Variants in KANSL1 observed in about 807,000 individuals in gnomAD.
KANSL1 encodes KAT8 regulatory NSL complex subunit 1.
A neutral mutation model predicts 103.6 loss-of-function variants in KANSL1; 22 were observed. That is an observed-to-expected ratio of 0.21 (90% CI 0.15 to 0.30). KANSL1 has a LOEUF of 0.30. KANSL1 is among the 10% of genes least tolerant of loss of function. The pLI is 1.00. For missense variants in KANSL1, 1,337 were observed against 1,399.8 expected (o/e 0.96, Z 0.72); for synonymous variants, 600 against 527.6 (o/e 1.14, Z -1.88).
chr17:46,062,098 A>C (rs1315415300), intron 6 of KANSL1, among the ~76,000 whole-genome samples: 81 of 58,606 alleles, frequency 1.4e-3, no homozygotes, highest in African/African-American at 4.7e-3. Flanking sequence ...ACTCAAAAAA[A>C]AAAAAAAAAA....
chr17:46,034,134 G>T (rs751853822), intron 11 of KANSL1, 27 bp downstream of exon 11: 1 of 1,611,894 alleles, frequency 6.2e-7, no homozygotes. Context: ...AGAATGGGGA[G>T]AGGAGCCAAC....
rs1189248208 is a variant in KANSL1, at chr17:46,171,242, A to T, written c.902T>A (p.Leu301Ter). 3 of 1,614,110 alleles carry T rather than the reference A, an allele frequency of 1.9e-6. No homozygotes were observed. Among genetic ancestry groups the T allele is most frequent in the Non-Finnish European group, 2.5e-6 (3 of 1,180,046 alleles). ...QADIESRARR[L>*]QKRLQVVQAK... ...TTGCACAACCTGTAAGCGCTTTTGT[A>T]ATCTGCGGGCACGGCTCTCAATGTC... The change falls in exon 2 of 15, where the codon TTA (leucine) becomes TAA (stop). Residue 301 changes from leucine to a stop codon, truncating the protein, a stop_gained. Transcript: ENST00000432791. LOFTEE classifies it high-confidence loss of function.
chr17:46,165,851 A>G (rs1039266471), intron 2 of KANSL1, among the ~76,000 whole-genome samples: 4 of 152,184 alleles, frequency 2.6e-5, no homozygotes, highest in African/African-American at 9.7e-5. Context: ...TCTAAAAAGC[A>G]AAACCTATAA....
upstream of KANSL1, among the ~76,000 whole-genome samples, chr17:46,196,991 T>C (rs373859385): frequency 3.3e-5 from 5 of 152,224 alleles, no homozygotes; most frequent in East Asian, 9.7e-4. Context: ...GGCATACACC[T>C]GTAGTCCAAG....
intron 1 of KANSL1, among the ~76,000 whole-genome samples, chr17:46,206,691 C>T (rs2696457): frequency 0.14 from 21,966 of 152,062 alleles, 2,153 homozygotes; most frequent in Middle Eastern, 0.22. Flanking sequence ...AATTTAAACA[C>T]GGATTATAGA....
At position 46,172,174 on chromosome 17, in the gene KANSL1, T is replaced by G; in HGVS notation, c.-31A>C. The G allele has an allele frequency of 1.3e-6, 2 of 1,588,146 alleles. No individual in the cohort carries two copies. The highest frequency in any genetic ancestry group is 1.7e-6 in the Non-Finnish European group (2 of 1,173,656). On this transcript the variant is annotated 5_prime_UTR_variant, in exon 2 of 15. Transcript: ENST00000432791. ...ACAGAGAGACAGGAAGTCCAGCCTC[T>G]CCCGATGCCGAGGCCGAGGCCAGCT...
intron 6 of KANSL1, among the ~76,000 whole-genome samples, chr17:46,059,986 G>C (rs2078101278): frequency 6.6e-6 from 1 of 152,074 alleles, no homozygotes; most frequent in Non-Finnish European, 1.5e-5. Flanking sequence ...ATCAGCCTGT[G>C]CAACACAGTG....
intron 2 of KANSL1, among the ~76,000 whole-genome samples, chr17:46,117,529 T>C (rs201709468): frequency 4.0e-5 from 6 of 151,774 alleles, no homozygotes; most frequent in Admixed American, 3.9e-4. Flanking sequence ...CAGTGGCAGG[T>C]GGAGAAGGGG....
chr17:46,197,781 T>G (rs1264447297), upstream of KANSL1, among the ~76,000 whole-genome samples: 1 of 152,234 alleles, frequency 6.6e-6, no homozygotes, highest in Non-Finnish European at 1.5e-5. Context: ...GCAGGAACTG[T>G]GGTTGTTCTA....
At chr17:46,198,989 A>G (rs2047706472) in intron 1 of KANSL1, among the ~76,000 whole-genome samples, 1 of 152,232 alleles carries the variant, frequency 6.6e-6, no homozygotes, top group Non-Finnish European at 1.5e-5. Context: ...ACCCATATTA[A>G]AATTATAAAA....
chr17:46,212,644 T>C (rs909469909), intron 1 of KANSL1, among the ~76,000 whole-genome samples: 2 of 152,264 alleles, frequency 1.3e-5, no homozygotes, highest in Admixed American at 6.5e-5. Flanking sequence ...ATATGAATAA[T>C]GTTACAATGA....
intron 3 of KANSL1, among the ~76,000 whole-genome samples, chr17:46,085,575 C>T (rs534534232): frequency 6.6e-5 from 10 of 152,134 alleles, no homozygotes; most frequent in Non-Finnish European, 1.2e-4. Context: ...CTGTAACCTC[C>T]CCCTCCCGGG....
chr17:46,140,838 T>C (rs1009302278), intron 2 of KANSL1, among the ~76,000 whole-genome samples: 5 of 152,300 alleles, frequency 3.3e-5, no homozygotes, highest in African/African-American at 9.6e-5. Context: ...CCACTTCACA[T>C]TGACTAGCAT....
intron 2 of KANSL1, among the ~76,000 whole-genome samples, chr17:46,152,587 G>C (rs1014376328): frequency 6.2e-5 from 9 of 145,616 alleles, no homozygotes; most frequent in African/African-American, 7.5e-5. Context: ...CACAAAGGGG[G>C]GGGGGGGATT....
chr17:46,091,058 C>T (rs138354466), intron 3 of KANSL1, among the ~76,000 whole-genome samples: 30 of 152,302 alleles, frequency 2.0e-4, no homozygotes, highest in Admixed American at 2.0e-4. Flanking sequence ...TTGGCACTGT[C>T]ACAGGCAATG....
intron 3 of KANSL1, among the ~76,000 whole-genome samples, chr17:46,086,552 A>C (rs1349959467): frequency 6.6e-6 from 1 of 152,224 alleles, no homozygotes; most frequent in Admixed American, 6.5e-5. Context: ...TTACGTTCTA[A>C]TACTGCGGCA....
chr17:46,076,324 C>T (rs1205317178), intron 4 of KANSL1, among the ~76,000 whole-genome samples: 3 of 151,450 alleles, frequency 2.0e-5, no homozygotes, highest in Admixed American at 6.6e-5. Flanking sequence ...GTGAAACCCC[C>T]GTCTCCACTA....
At chr17:46,158,730 G>A (rs777156115) in intron 2 of KANSL1, among the ~76,000 whole-genome samples, 14 of 152,016 alleles carry the variant, frequency 9.2e-5, no homozygotes, top group Non-Finnish European at 2.1e-4. Context: ...TAGTAGAGAC[G>A]AGGTTTCACC....
intron 6 of KANSL1, among the ~76,000 whole-genome samples, chr17:46,062,091 C>CAAAAAAAAAAAAAAAA (rs35638067): frequency 1.4e-5 from 1 of 70,080 alleles, no homozygotes; most frequent in Non-Finnish European, 2.4e-5. Context: ...GACTCCGACT[C>CAAAAAAAAAAAAAAAA]AAAAAAAAAA....
Sources: gnomAD v4.1 joint callset for allele counts (sites outside exome capture counted in the v4.1 genomes callset) on GRCh38, gnomAD v4.1.1 for gene constraint, MANE v1.5 for transcripts, NCBI Gene and HGNC (gene_info 2026-07-23, HGNC 2026-07-21) for gene names.